IL1RAPL2: variants seen among roughly 807,000 people sequenced by gnomAD.
IL1RAPL2 encodes X-linked interleukin-1 receptor accessory protein-like 2.
Under a neutral mutation model 44.1 loss-of-function variants are expected in IL1RAPL2, and 3 were observed. The ratio of observed to expected loss-of-function variants is 0.07; its 90% CI spans 0.03 to 0.18. IL1RAPL2 has a LOEUF of 0.18. Ranked by LOEUF, IL1RAPL2 falls within the 10% of genes least tolerant of loss-of-function variation. IL1RAPL2 has a pLI of 1.00. For synonymous variants in IL1RAPL2, 181 were observed against 178.8 expected (o/e 1.01, Z -0.10); for missense variants, 391 against 496.4 (o/e 0.79, Z 2.02).
chrX:105,171,695 A>T (rs1602990437), intron 2 of IL1RAPL2, among the ~76,000 whole-genome samples: 2 of 98,570 alleles, frequency 2.0e-5, no homozygotes, highest in African/African-American at 7.5e-5. Flanking sequence ...ATAGTCAAAA[A>T]CTGCATGTTG....
intron 3 of IL1RAPL2, among the ~76,000 whole-genome samples, chrX:105,213,033 C>A (rs2033821184): frequency 9.0e-6 from 1 of 111,185 alleles, no homozygotes; most frequent in Non-Finnish European, 1.9e-5. Flanking sequence ...AAAATCAGTG[C>A]AAAAATGCTG....
chrX:104,603,105 T>A (rs1299942966), intron 1 of IL1RAPL2, among the ~76,000 whole-genome samples: 1 of 111,460 alleles, frequency 9.0e-6, no homozygotes, highest in Non-Finnish European at 1.9e-5. Context: ...CAGGTGACCC[T>A]CTGGGAGGAA....
intron 2 of IL1RAPL2, among the ~76,000 whole-genome samples, chrX:104,798,285 T>C (rs1285849608): frequency 9.1e-6 from 1 of 110,497 alleles, no homozygotes. Context: ...CTAAGTATAA[T>C]TATAGGTATC....
intron 8 of IL1RAPL2, among the ~76,000 whole-genome samples, chrX:105,742,765 A>T (rs1398350989): frequency 9.0e-6 from 1 of 110,965 alleles, no homozygotes; most frequent in Non-Finnish European, 1.9e-5. Context: ...TCTAGCCTGG[A>T]CTTCTCACCT....
At chrX:104,875,837 C>T (rs1354885537) in intron 2 of IL1RAPL2, among the ~76,000 whole-genome samples, 1 of 111,537 alleles carries the variant, frequency 9.0e-6, no homozygotes, top group Non-Finnish European at 1.9e-5. Flanking sequence ...CATACCATAT[C>T]ATCTACCTAT....
chrX:105,249,212 T>G (rs1402567852), intron 4 of IL1RAPL2, among the ~76,000 whole-genome samples: 1 of 110,128 alleles, frequency 9.1e-6, no homozygotes, highest in Non-Finnish European at 1.9e-5. Flanking sequence ...GAACCAGAGG[T>G]CATTATGTTA....
chrX:105,750,835 G>A (rs909854905), intron 9 of IL1RAPL2, among the ~76,000 whole-genome samples: 9 of 107,648 alleles, frequency 8.4e-5, no homozygotes, highest in African/African-American at 2.7e-4. Context: ...AGTTAATATT[G>A]AAAAATCTTG....
intron 5 of IL1RAPL2, among the ~76,000 whole-genome samples, chrX:105,364,373 T>C (rs187781118): frequency 9.0e-6 from 1 of 111,553 alleles, no homozygotes; most frequent in East Asian, 2.8e-4. Flanking sequence ...AGATTTTTTC[T>C]TTATGCTAGA....
intron 1 of IL1RAPL2, among the ~76,000 whole-genome samples, chrX:104,603,426 A>G (rs1286763015): frequency 4.5e-5 from 5 of 112,045 alleles, no homozygotes; most frequent in African/African-American, 6.5e-5. Flanking sequence ...CTCACCAGCA[A>G]GAGAACAAAA....
chrX:105,060,779 G>A (rs1048191496), intron 2 of IL1RAPL2, among the ~76,000 whole-genome samples: 4 of 108,967 alleles, frequency 3.7e-5, no homozygotes, highest in African/African-American at 1.3e-4. Context: ...ATCTTGGTAG[G>A]TTGTATGTGT....
chrX:105,759,439 A>G (rs2038668509), intron 10 of IL1RAPL2, among the ~76,000 whole-genome samples: 1 of 112,268 alleles, frequency 8.9e-6, no homozygotes, highest in African/African-American at 3.2e-5. Flanking sequence ...TAGAAAGACT[A>G]TGAGGATCCC....
At chrX:105,493,726 A>G (rs755510895) in intron 6 of IL1RAPL2, among the ~76,000 whole-genome samples, 3 of 111,789 alleles carry the variant, frequency 2.7e-5, no homozygotes, top group Non-Finnish European at 5.6e-5. Flanking sequence ...ATTGTTTACA[A>G]GGTCCTCTTG....
chrX:104,868,393 C>T (rs1445114396), intron 2 of IL1RAPL2, among the ~76,000 whole-genome samples: 1 of 111,796 alleles, frequency 8.9e-6, no homozygotes, highest in Non-Finnish European at 1.9e-5. Flanking sequence ...GGCCACTCTC[C>T]CTCTTTAGGG....
chrX:105,433,192 T>C (rs1164279141), intron 5 of IL1RAPL2, among the ~76,000 whole-genome samples: 1 of 111,010 alleles, frequency 9.0e-6, no homozygotes, highest in Non-Finnish European at 1.9e-5. Context: ...TATCAATATG[T>C]GTTTTTTCCC....
At chrX:104,683,799 G>A (rs1602679402) in intron 2 of IL1RAPL2, among the ~76,000 whole-genome samples, 2 of 112,063 alleles carry the variant, frequency 1.8e-5, no homozygotes, top group Admixed American at 9.4e-5. Flanking sequence ...TGAAAATTAT[G>A]AGCCCAGGAA....
In IL1RAPL2 at chrX:104,577,430, G is replaced by A. The variant is rs191609116; in HGVS notation, c.-20+10379G>A. Among the ~76,000 whole-genome samples, 24 of 112,117 alleles carry A rather than the reference G, an allele frequency of 2.1e-4. No homozygotes were observed. In the Admixed American group the frequency reaches 2.2e-3, roughly 10 times the overall value. On this transcript the variant is annotated intron_variant, in intron 1 of 10. Transcript: ENST00000372582. ...GTAAGAATGGAGGAAGTGGACAGTT[G>A]TGTTGATCCAGAACTGAGTTTTGCC... is the stretch of plus-strand genomic sequence containing the variant.
At chrX:104,931,826 G>A (rs1924906385) in intron 2 of IL1RAPL2, among the ~76,000 whole-genome samples, 1 of 109,311 alleles carries the variant, frequency 9.1e-6, no homozygotes, top group Non-Finnish European at 1.9e-5. Flanking sequence ...TTAAAATAAG[G>A]ATCAAGAAGC....
At chrX:105,220,299 C>T (rs781921097) in intron 3 of IL1RAPL2, 3 of 1,208,824 alleles carry the variant, frequency 2.5e-6, no homozygotes, top group African/African-American at 3.5e-5. Context: ...CAAGATAGAA[C>T]TCGGGGCCTT....
At chrX:105,168,115 C>T (rs1034090278) in intron 2 of IL1RAPL2, among the ~76,000 whole-genome samples, 2 of 111,890 alleles carry the variant, frequency 1.8e-5, no homozygotes, top group Admixed American at 9.5e-5. Flanking sequence ...TGTCAGAGAT[C>T]GGCTACAGTG....
Sources: allele counts gnomAD v4.1 joint callset (sites outside exome capture counted in the v4.1 genomes callset), GRCh38; gene constraint gnomAD v4.1.1; transcripts MANE v1.5; gene names NCBI Gene and HGNC (gene_info 2026-07-23, HGNC 2026-07-21).